Variants in IFNLR1 observed in about 807,000 individuals in gnomAD.
The protein encoded by IFNLR1 is CRF2-12.
In IFNLR1, 28 loss-of-function variants were observed where a neutral mutation model predicts 52.5. The observed-to-expected ratio is 0.53, with a 90% CI of 0.40 to 0.73. The LOEUF (loss-of-function observed/expected upper bound fraction) is 0.73, where lower values mean the gene tolerates loss of function less well. Among genes scored for constraint, IFNLR1 ranks in the 30% least tolerant of loss-of-function variants. IFNLR1 has a pLI of 0.00. For missense variants in IFNLR1, 623 were observed against 659.1 expected (o/e 0.95, Z 0.60); for synonymous variants, 276 against 274.9 (o/e 1.00, Z -0.04).
chr1:24,181,923 G>A (rs943624506), intron 1 of IFNLR1, among the ~76,000 whole-genome samples: 3 of 152,208 alleles, frequency 2.0e-5, no homozygotes, highest in Non-Finnish European at 4.4e-5. Context: ...CATGGGCCGG[G>A]CGCAGTGGCT....
Position 24,159,694 on chromosome 1 carries a change from G to C in IFNLR1, c.511-61C>G, listed in dbSNP as rs556368662. 11 of 1,434,038 alleles carry C rather than the reference G, an allele frequency of 7.7e-6. No individual in the cohort carries two copies. In the South Asian group the frequency reaches 1.3e-4, roughly 17 times the overall value. The allele number at this position is 1,434,038 out of a possible 1,614,324, so 88.8% of individuals were successfully genotyped here. Reference sequence around the variant, plus strand: ...TGTGGGGACTGGTTTCACACAGCCAGGACAGAGTGGGGTTGGCAGACATGG... The same window carrying C: ...TGTGGGGACTGGTTTCACACAGCCACGACAGAGTGGGGTTGGCAGACATGG... On this transcript the variant is annotated intron_variant, in intron 4 of 6. Coordinates refer to ENST00000327535, the MANE Select transcript of IFNLR1 (RefSeq NM_170743.4).
chr1:24,183,502 G>A (rs112658338), intron 1 of IFNLR1, among the ~76,000 whole-genome samples: 4,176 of 152,196 alleles, frequency 0.027, 183 homozygotes, highest in African/African-American at 0.095. Context: ...TGGGAGTTTC[G>A]CCTGAGCCCA....
chr1:24,182,918 CAAATAAAT>C (rs373444078), intron 1 of IFNLR1, among the ~76,000 whole-genome samples: 12 of 150,218 alleles, frequency 8.0e-5, no homozygotes, highest in African/African-American at 2.2e-4. Context: ...GACTCCATCT[CAAATAAAT>C]AAATAAATAA....
At position 24,159,736 on chromosome 1, in the gene IFNLR1, T is replaced by TG. The variant is rs1491236340; in HGVS notation, c.511-104dup. The TG allele has an allele frequency of 4.6e-5, 29 of 630,782 alleles. No individual in the cohort carries two copies. The African/African-American group carries it at 5.8e-4, about 13-fold the overall frequency. 39.1% of individuals were successfully genotyped at this position (630,782 alleles called of 1,614,324 possible). On this transcript the variant is annotated intron_variant, in intron 4 of 6. Coordinates refer to ENST00000327535, the MANE Select transcript of IFNLR1 (RefSeq NM_170743.4). ...CAGACATGGTAGGGTGTTTTTTTTT[T>TG]GTTTTTTTTTTTTGTTTTTTTGTAG...
chr1:24,184,108 C>T (rs887134866), intron 1 of IFNLR1, among the ~76,000 whole-genome samples: 1 of 152,122 alleles, frequency 6.6e-6, no homozygotes, highest in Non-Finnish European at 1.5e-5. Context: ...CCCATATCTC[C>T]ATCCACACAG....
In IFNLR1 at chr1:24,157,902, T is replaced by C. The variant is rs1413267305; in HGVS notation, c.802-11A>G. The C allele has an allele frequency of 3.9e-6, 6 of 1,542,506 alleles. No individual in the cohort carries two copies. The highest frequency in any genetic ancestry group is 5.2e-6 in the Non-Finnish European group (6 of 1,148,250). On this transcript the variant is annotated splice_polypyrimidine_tract_variant and intron_variant, in intron 6 of 6. Transcript: ENST00000327535. The surrounding 1 kb of genome is among the most constrained non-coding windows in gnomAD (Gnocchi z 5.1). ...GTGTCCAGAAAAGTCCTGATTTGGG[T>C]AGGGGAGAGAAAAGCAGAAAATTTA...
chr1:24,165,397 G>C (rs1014017275), intron 3 of IFNLR1, among the ~76,000 whole-genome samples: 5 of 152,228 alleles, frequency 3.3e-5, no homozygotes, highest in Middle Eastern at 3.4e-3. Context: ...GAGTGTTAGT[G>C]CGTCTACTAA....
In IFNLR1 at chr1:24,172,208, A is replaced by G. The variant is rs35470265; in HGVS notation, c.183-2607T>C. Reference sequence around the variant, plus strand: ...CCAAATAACACAAATGAAAACGTATAAGACAGCTAAGTAATACTTAGAGGA... The same window carrying G: ...CCAAATAACACAAATGAAAACGTATGAGACAGCTAAGTAATACTTAGAGGA... On this transcript the variant is annotated intron_variant, in intron 2 of 6. Coordinates refer to ENST00000327535, the MANE Select transcript of IFNLR1 (RefSeq NM_170743.4). Among the ~76,000 whole-genome samples, 282 of 152,366 alleles carry G rather than the reference A, an allele frequency of 1.9e-3. 1 individual carries two copies. The highest frequency in any genetic ancestry group is 3.5e-3 in the Non-Finnish European group (241 of 68,040).
rs945807412 is a variant in IFNLR1, at chr1:24,155,473, G to A, written c.*1657C>T. 2 of 152,202 alleles carry A rather than the reference G, an allele frequency of 1.3e-5. No homozygotes were observed. Among genetic ancestry groups the A allele is most frequent in the Non-Finnish European group, 2.9e-5 (2 of 68,044 alleles). The allele number at this position is 152,202 out of a possible 1,614,324, so 9.4% of individuals were successfully genotyped here. A position where few individuals can be genotyped will look rare whatever the true frequency, so the allele number is the denominator to read the frequency against. Reference sequence around the variant, plus strand: ...TGGTTTGCTAACTTTTTCTTGAGTAGTGGATCCCTCTAAACAAAACCTCAC... The same window carrying A: ...TGGTTTGCTAACTTTTTCTTGAGTAATGGATCCCTCTAAACAAAACCTCAC... On this transcript the variant is annotated 3_prime_UTR_variant, in exon 7 of 7. Transcript: ENST00000327535.
chr1:24,156,455 G>A lies in IFNLR1; in HGVS notation c.*675C>T, dbSNP rs1644379421. ...AGGCGTAGCTGCAGATGAGGAAGCC[G>A]AGGCAGAGAAGGAAGATGTCTTCCC... On this transcript the variant is annotated 3_prime_UTR_variant, in exon 7 of 7. Transcript: ENST00000327535. 6.6e-6 allele frequency: 1 copy of A among 152,666 alleles called. No individual in the cohort carries two copies. Among genetic ancestry groups the A allele is most frequent in the Non-Finnish European group, 1.5e-5 (1 of 68,448 alleles). 9.5% of individuals were successfully genotyped at this position (152,666 alleles called of 1,614,324 possible). A position where few individuals can be genotyped will look rare whatever the true frequency, so the allele number is the denominator to read the frequency against.
Position 24,157,008 on chromosome 1 carries a change from G to T in IFNLR1, c.*122C>A. On this transcript the variant is annotated 3_prime_UTR_variant, in exon 7 of 7. Coordinates refer to ENST00000327535, the MANE Select transcript of IFNLR1 (RefSeq NM_170743.4). This position sits in a 1 kb window ranked among gnomAD's most constrained non-coding sequence, Gnocchi z 5.1. ...CAAACAGCCGCTAGGTGGACTTCCC[G>T]GAAGTGCAATGCCCCTCCGCCGCCC... The T allele has an allele frequency of 8.5e-7, 1 of 1,176,798 alleles. No homozygotes were observed. The highest frequency in any genetic ancestry group is 1.2e-6 in the Non-Finnish European group (1 of 833,130). 72.9% of individuals were successfully genotyped at this position (1,176,798 alleles called of 1,614,324 possible).
Position 24,157,997 on chromosome 1 carries a change from G to C in IFNLR1, c.802-106C>G. ...ACAGACCTCAGACAAGGCTTCAAGT[G>C]TAAGCAGTTTCTTTGGGAGATGATC... is the stretch of plus-strand genomic sequence containing the variant. On this transcript the variant is annotated intron_variant, in intron 6 of 6. Coordinates refer to ENST00000327535, the MANE Select transcript of IFNLR1 (RefSeq NM_170743.4). The surrounding 1 kb of genome is among the most constrained non-coding windows in gnomAD (Gnocchi z 5.1). 9.1e-7 allele frequency: 1 copy of C among 1,100,582 alleles called. No homozygotes were observed. The highest frequency in any genetic ancestry group is 1.6e-5 in the African/African-American group (1 of 63,706). 68.2% of individuals were successfully genotyped at this position (1,100,582 alleles called of 1,614,324 possible). A position where few individuals can be genotyped will look rare whatever the true frequency, so the allele number is the denominator to read the frequency against.
At chr1:24,186,128 CACACAGGT>C (rs1279927201) in intron 1 of IFNLR1, among the ~76,000 whole-genome samples, 3 of 152,204 alleles carry the variant, frequency 2.0e-5, no homozygotes, top group African/African-American at 7.2e-5. Flanking sequence ...CCTCCCTCCA[CACACAGGT>C]ACACGGTCCC....
At chr1:24,175,533 A>G (rs887947915) in intron 2 of IFNLR1, among the ~76,000 whole-genome samples, 1 of 152,214 alleles carries the variant, frequency 6.6e-6, no homozygotes, top group Non-Finnish European at 1.5e-5. Flanking sequence ...TCACAGGTTC[A>G]TAAGTGGAGA....
intron 1 of IFNLR1, among the ~76,000 whole-genome samples, chr1:24,183,224 C>T (rs545502987): frequency 3.3e-5 from 5 of 152,018 alleles, no homozygotes; most frequent in Non-Finnish European, 5.9e-5. Flanking sequence ...ATTACATTCT[C>T]ATTTTGATTT....
At chr1:24,160,591 G>A (rs1644432037) in intron 4 of IFNLR1, among the ~76,000 whole-genome samples, 1 of 152,184 alleles carries the variant, frequency 6.6e-6, no homozygotes, top group African/African-American at 2.4e-5. Flanking sequence ...GAACCACGCT[G>A]GATTCGGATC....
In IFNLR1 at chr1:24,157,375, G is replaced by C. The variant is rs1192419439; in HGVS notation, c.1318C>G (p.Leu440Val). The stretch of plus-strand genomic sequence containing the variant: ...CAGGAGGAGAGGTTATCTTCTGGGA[G>C]CTCTTCCAGGAAACCCGAGTCCTTG... ...FSKDSGFLEE[L>V]PEDNLSSWAT... Residue 440 changes from leucine to valine, a missense_variant, in exon 7 of 7, where the codon CTC (leucine) becomes GTC (valine). Physicochemically the swap from Leu to Val is conservative, Grantham distance 32. Coordinates refer to ENST00000327535, the MANE Select transcript of IFNLR1 (RefSeq NM_170743.4). This position sits in a 1 kb window ranked among gnomAD's most constrained non-coding sequence, Gnocchi z 5.1. 4 of 1,614,182 alleles carry C rather than the reference G, an allele frequency of 2.5e-6. No individual in the cohort carries two copies. Among genetic ancestry groups the C allele is most frequent in the Non-Finnish European group, 3.4e-6 (4 of 1,180,038 alleles).
chr1:24,169,583 C>T lies in IFNLR1; in HGVS notation c.201G>A (p.Arg67=). 6.2e-7 allele frequency: 1 copy of T among 1,613,794 alleles called. No individual in the cohort carries two copies. Among genetic ancestry groups the T allele is most frequent in the Non-Finnish European group, 8.5e-7 (1 of 1,179,770 alleles). ...VAYQSSPTRR[R]WREVEECAGT... is the part of the protein sequence containing the mutation. ...CCGCACACTCTTCCACTTCGCGCCA[C>T]CGTCTACGGGTGGGAGAGCTGGGGG... Residue 67 remains arginine (R), a synonymous_variant, in exon 3 of 7, where the codon CGG becomes CGA. Transcript: ENST00000327535.
intron 1 of IFNLR1, among the ~76,000 whole-genome samples, chr1:24,182,508 T>C (rs968155953): frequency 1.3e-5 from 2 of 152,246 alleles, no homozygotes; most frequent in African/African-American, 4.8e-5. Context: ...TGAAAGTATG[T>C]TTTTAATTCC....
Sources: gnomAD v4.1 joint callset for allele counts (sites outside exome capture counted in the v4.1 genomes callset) on GRCh38, gnomAD v4.1.1 for gene constraint, Gnocchi (gnomAD v3.1) non-coding constraint, MANE v1.5 for transcripts, NCBI Gene and HGNC (gene_info 2026-07-23, HGNC 2026-07-21) for gene names.